CC2D2B: variants seen among roughly 807,000 people sequenced by gnomAD.
CC2D2B encodes coiled-coil and C2 domain containing 2B, also known as protein CC2D2B.
In CC2D2B, 128 loss-of-function variants were observed where a neutral mutation model predicts 161.2. The observed-to-expected ratio is 0.79, with a 90% CI of 0.69 to 0.92. The LOEUF is 0.92. Ranked by LOEUF, CC2D2B falls within the 40% of genes least tolerant of loss-of-function variation. The pLI, the probability that CC2D2B is intolerant of heterozygous loss-of-function variation, is 0.00. For missense variants in CC2D2B, 1,173 were observed against 1,375.1 expected (o/e 0.85, Z 2.32); for synonymous variants, 391 against 449.8 (o/e 0.87, Z 1.65).
At chr10:95,940,458 A>G (rs1336122053) in intron 9 of CC2D2B, among the ~76,000 whole-genome samples, 1 of 152,148 alleles carries the variant, frequency 6.6e-6, no homozygotes, top group Non-Finnish European at 1.5e-5. Context: ...CCTGTTTAAG[A>G]AAGTGTGCTT....
chr10:95,920,226 A>C (rs1464647625), intron 2 of CC2D2B: 1 of 152,298 alleles, frequency 6.6e-6, no homozygotes, highest in East Asian at 1.9e-4. Context: ...AGTACCCTTT[A>C]AAAAGTAATT....
intron 10 of CC2D2B, among the ~76,000 whole-genome samples, chr10:95,952,894 T>G (rs1057183437): frequency 1.3e-5 from 2 of 152,120 alleles, no homozygotes; most frequent in African/African-American, 4.8e-5. Context: ...TCCATAGAAG[T>G]GAAGTTGCCT....
At chr10:95,947,114 T>TATATATATATATATATATATATATA (rs1491386108) in intron 9 of CC2D2B, among the ~76,000 whole-genome samples, 5 of 23,940 alleles carry the variant, frequency 2.1e-4, no homozygotes, top group Non-Finnish European at 3.2e-4. Context: ...TATATATATA[T>TATATATATATATATATATATATATA]TTTTTTTTTT....
chr10:95,926,815 AGT>A (rs71486778), intron 5 of CC2D2B, among the ~76,000 whole-genome samples: 22,832 of 134,714 alleles, frequency 0.17, 2,034 homozygotes, highest in African/African-American at 0.24. Flanking sequence ...CTGAGGTGGC[AGT>A]GTGTGTGTGT....
At chr10:96,014,966 A>G (rs545133721) in intron 29 of CC2D2B, among the ~76,000 whole-genome samples, 1 of 152,278 alleles carries the variant, frequency 6.6e-6, no homozygotes, top group African/African-American at 2.4e-5. Flanking sequence ...TGATTGGTAA[A>G]TAGTCATTGC....
At chr10:96,008,737 T>A (rs190095166) in intron 25 of CC2D2B, among the ~76,000 whole-genome samples, 91 of 152,256 alleles carry the variant, frequency 6.0e-4, no homozygotes, top group Non-Finnish European at 7.8e-4. Flanking sequence ...TGTCTATTTT[T>A]AAAATTGGGT....
intron 12 of CC2D2B, among the ~76,000 whole-genome samples, chr10:95,964,043 T>C (rs2076857138): frequency 6.6e-6 from 1 of 152,170 alleles, no homozygotes; most frequent in South Asian, 2.1e-4. Flanking sequence ...AGATTTCTTA[T>C]ATTGTCTTCA....
chr10:95,911,050 G>A (rs2098505520), intron 1 of CC2D2B, among the ~76,000 whole-genome samples: 1 of 151,918 alleles, frequency 6.6e-6, no homozygotes, highest in African/African-American at 2.4e-5. Flanking sequence ...TACAAACAAT[G>A]ATAATTTTGT....
chr10:96,015,149 C>G (rs2079137717), intron 29 of CC2D2B, among the ~76,000 whole-genome samples: 1 of 151,844 alleles, frequency 6.6e-6, no homozygotes, highest in Non-Finnish European at 1.5e-5. Flanking sequence ...ACTGCAACCT[C>G]TAACTCCCTA....
chr10:95,974,808 T>C (rs1463584957), intron 17 of CC2D2B, among the ~76,000 whole-genome samples: 1 of 152,202 alleles, frequency 6.6e-6, no homozygotes, highest in Non-Finnish European at 1.5e-5. Context: ...GTGGAGACAG[T>C]AGAAAGATCA....
chr10:95,931,553 CTG>C (rs1239040613), intron 6 of CC2D2B, among the ~76,000 whole-genome samples: 1 of 152,144 alleles, frequency 6.6e-6, no homozygotes, highest in Non-Finnish European at 1.5e-5. Flanking sequence ...ACTGCTTTAA[CTG>C]TGTCCCAGAG....
intron 19 of CC2D2B, 45 bp from the exon 20 acceptor site, chr10:95,988,205 C>A: frequency 1.3e-6 from 1 of 769,998 alleles, no homozygotes. Context: ...CATATGTGAA[C>A]TCTTTGTTAC....
At chr10:95,981,712 A>T (rs1409083876) in intron 17 of CC2D2B, among the ~76,000 whole-genome samples, 11 of 152,244 alleles carry the variant, frequency 7.2e-5, no homozygotes, top group Admixed American at 7.2e-4. Flanking sequence ...ATCGATGGCA[A>T]AGATGAATAT....
intron 16 of CC2D2B, among the ~76,000 whole-genome samples, chr10:95,972,722 T>A (rs1478886817): frequency 6.6e-6 from 1 of 152,222 alleles, no homozygotes; most frequent in African/African-American, 2.4e-5. Context: ...AATGAGCAGT[T>A]AGCACCCACG....
At chr10:96,009,366 A>T (rs1253160130) in intron 25 of CC2D2B, among the ~76,000 whole-genome samples, 1 of 152,026 alleles carries the variant, frequency 6.6e-6, no homozygotes, top group African/African-American at 2.4e-5. Context: ...TTTTGGATTG[A>T]TGGAATACTT....
intron 6 of CC2D2B, among the ~76,000 whole-genome samples, chr10:95,933,758 C>T (rs2075699036): frequency 2.0e-5 from 3 of 152,158 alleles, no homozygotes; most frequent in Non-Finnish European, 2.9e-5. Flanking sequence ...CTGGAAGCTT[C>T]GTCCCAGAGG....
chr10:95,958,238 T>A (rs7917360), intron 11 of CC2D2B, among the ~76,000 whole-genome samples: 18,473 of 152,166 alleles, frequency 0.12, 1,907 homozygotes, highest in African/African-American at 0.27. Context: ...AAGCCTGTAA[T>A]CCCAGCACTT....
At chr10:96,000,130 A>G (rs986490560) in intron 24 of CC2D2B, 226 of 1,472,896 alleles carry the variant, frequency 1.5e-4, no homozygotes, top group Middle Eastern at 2.6e-4. Context: ...GATGTCTACA[A>G]TATCACCTTT....
intron 30 of CC2D2B, among the ~76,000 whole-genome samples, chr10:96,017,482 T>A (rs150499040): frequency 2.0e-5 from 3 of 152,294 alleles, no homozygotes; most frequent in Admixed American, 2.0e-4. Flanking sequence ...CCCTGCACAG[T>A]TTCACCTCAG....
Sources: gnomAD v4.1 joint callset for allele counts (sites outside exome capture counted in the v4.1 genomes callset) on GRCh38, gnomAD v4.1.1 for gene constraint, MANE v1.5 for transcripts, NCBI Gene and HGNC (gene_info 2026-07-23, HGNC 2026-07-21) for gene names.